MACF1: variants seen among roughly 807,000 people sequenced by gnomAD.
MACF1 encodes microtubule-actin cross-linking factor 1.
In MACF1, 193 loss-of-function variants were observed where a neutral mutation model predicts 854.8. That is an observed-to-expected ratio of 0.23 (90% CI 0.20 to 0.25). The LOEUF is 0.25. MACF1 is among the 10% of genes least tolerant of loss of function. The probability of loss-of-function intolerance (pLI) is 1.00; values close to 1 mark genes in which losing one functional copy is unlikely to be tolerated. For missense variants in MACF1, 7,722 were observed against 8,929.1 expected (o/e 0.86, Z 5.45); for synonymous variants, 3,185 against 3,226.7 (o/e 0.99, Z 0.44).
intron 43 of MACF1, among the ~76,000 whole-genome samples, 185 bp from the exon 44 acceptor site, chr1:39,352,822 A>AT (rs1203666584): frequency 1.3e-5 from 2 of 151,008 alleles, no homozygotes. Flanking sequence ...ATGTAGAGAT[A>AT]TTTTTAATAA....
chr1:39,483,158 A>G (rs990030959), intron 99 of MACF1, among the ~76,000 whole-genome samples: 2 of 151,520 alleles, frequency 1.3e-5, no homozygotes, highest in African/African-American at 4.9e-5. Flanking sequence ...TAAGCCTACT[A>G]TCTAAAAAAC....
chr1:39,472,375 T>A (rs1298636596), intron 97 of MACF1, among the ~76,000 whole-genome samples: 1 of 152,226 alleles, frequency 6.6e-6, no homozygotes, highest in Non-Finnish European at 1.5e-5. Flanking sequence ...GTGGGATTGC[T>A]CCAGAAATCA....
At chr1:39,207,182 G>A (rs1222591542) in intron 1 of MACF1, among the ~76,000 whole-genome samples, 2 of 151,716 alleles carry the variant, frequency 1.3e-5, no homozygotes, top group Non-Finnish European at 2.9e-5. Context: ...TTTAGTATGT[G>A]TACCAGAAGT....
At chr1:39,194,331 CT>C (rs1644290715) in intron 2 of MACF1, among the ~76,000 whole-genome samples, 2 of 63,212 alleles carry the variant, frequency 3.2e-5, no homozygotes, top group African/African-American at 7.4e-5. Flanking sequence ...CTTTTCTTTT[CT>C]TTTCTTTTCT....
At chr1:39,235,129 C>T (rs528494440) in intron 2 of MACF1, among the ~76,000 whole-genome samples, 38 of 151,826 alleles carry the variant, frequency 2.5e-4, no homozygotes, top group South Asian at 1.5e-3. Flanking sequence ...GCTGCAATCT[C>T]GGCACTTTGG....
At chr1:39,417,831 G>A (rs1396670683) in intron 58 of MACF1, among the ~76,000 whole-genome samples, 1 of 144,238 alleles carries the variant, frequency 6.9e-6, no homozygotes, top group Non-Finnish European at 1.5e-5. Flanking sequence ...GCCTGCCTCG[G>A]CGTCCCAAAG....
At chr1:39,094,952 C>G (rs759453580) in intron 2 of MACF1, among the ~76,000 whole-genome samples, 16 of 152,036 alleles carry the variant, frequency 1.1e-4, no homozygotes, top group Non-Finnish European at 1.6e-4. Context: ...ATGCAGAGGG[C>G]AAGGGCGAGG....
At chr1:39,303,148 A>C (rs1247850725) in intron 23 of MACF1, 70 bp downstream of exon 23, 3 of 1,538,528 alleles carry the variant, frequency 1.9e-6, no homozygotes, top group Non-Finnish European at 2.7e-6. Flanking sequence ...TGGAGGGATG[A>C]GTGTGCATTT....
chr1:39,352,130 A>G (rs1647202431), intron 43 of MACF1, among the ~76,000 whole-genome samples: 1 of 152,220 alleles, frequency 6.6e-6, no homozygotes, highest in South Asian at 2.1e-4. Context: ...TAATGAGGAA[A>G]GTGGAGAACA....
At position 39,448,624 on chromosome 1, in the gene MACF1, C is replaced by T; in HGVS notation, c.20119C>T (p.Pro6707Ser). The change falls in exon 84 of 101, where the codon CCT (proline) becomes TCT (serine). Residue 6707 changes from proline to serine, a missense_variant. Physicochemically the swap from Pro to Ser is moderately conservative, Grantham distance 74. Around this residue, in one of 15 missense-constraint regions of MACF1, gnomAD observed 729 missense variants for 900.5 expected, o/e 0.81. Transcript: ENST00000564288. ...EFQKTLGGKQ[P>S]VYDTTIRTGR... ...TCAGAAGACTCTTGGTGGCAAGCAG[C>T]CTGTGTATGATACCACAATTAGAAC... is the stretch of plus-strand genomic sequence containing the variant. The T allele has an allele frequency of 6.3e-7, 1 of 1,593,212 alleles. No homozygotes were observed. The highest frequency in any genetic ancestry group is 8.6e-7 in the Non-Finnish European group (1 of 1,168,568).
At chr1:39,363,554 T>G (rs545656447) in intron 49 of MACF1, among the ~76,000 whole-genome samples, 1 of 151,984 alleles carries the variant, frequency 6.6e-6, no homozygotes, top group Non-Finnish European at 1.5e-5. Context: ...ATACTTTCAT[T>G]GTGTAGAAGA....
intron 1 of MACF1, among the ~76,000 whole-genome samples, chr1:39,224,461 G>T (rs888975124): frequency 6.6e-6 from 1 of 152,328 alleles, no homozygotes; most frequent in East Asian, 1.9e-4. Context: ...ATGATCACCA[G>T]TGTCTTCTGC....
chr1:39,316,507 A>T lies in MACF1; in HGVS notation c.3566A>T (p.Glu1189Val). 6.2e-7 allele frequency: 1 copy of T among 1,613,724 alleles called. No individual in the cohort carries two copies. The highest frequency in any genetic ancestry group is 8.5e-7 in the Non-Finnish European group (1 of 1,179,756). Residue 1189 changes from glutamate to valine, a missense_variant, in exon 28 of 101, where the codon GAG becomes GTG. This residue lies in a region of MACF1 where 1,137 missense variants were observed against 1,263.0 expected (regional missense o/e 0.90). Transcript: ENST00000564288. The stretch of plus-strand genomic sequence containing the variant: ...GTACTGGCAGATCTCTCAGCTCTGG[A>T]GGCCCATTGGTCGACATTACGGGTG... ...EVVLADLSALEAHWSTLRHWL... is the reference protein window; with the variant it reads ...EVVLADLSALVAHWSTLRHWL...
chr1:39,360,040 T>G (rs1648012560), intron 47 of MACF1, among the ~76,000 whole-genome samples: 2 of 58,960 alleles, frequency 3.4e-5, no homozygotes, highest in African/African-American at 1.4e-4. Flanking sequence ...TATATATATA[T>G]ATATATATAT....
At chr1:39,255,421 A>T (rs1457001233) in intron 5 of MACF1, among the ~76,000 whole-genome samples, 1 of 152,248 alleles carries the variant, frequency 6.6e-6, no homozygotes, top group East Asian at 1.9e-4. Context: ...AGAGTGAGCC[A>T]TATGGAAAAT....
chr1:39,445,654 A>C (rs1644212766), intron 80 of MACF1, among the ~76,000 whole-genome samples: 1 of 152,234 alleles, frequency 6.6e-6, no homozygotes, highest in South Asian at 2.1e-4. Flanking sequence ...TAAAGGACCT[A>C]AGTGTATGCT....
At chr1:39,298,538 G>A (rs965163451) in intron 21 of MACF1, 14 of 333,884 alleles carry the variant, frequency 4.2e-5, no homozygotes, top group South Asian at 2.3e-4. Context: ...GGGGAATCTC[G>A]CATTTCAATA....
At chr1:39,325,247 T>C (rs999906244) in intron 35 of MACF1, among the ~76,000 whole-genome samples, 13 of 152,340 alleles carry the variant, frequency 8.5e-5, no homozygotes, top group Non-Finnish European at 1.5e-4. Flanking sequence ...AGGAAAATTA[T>C]GAGTGATAAC....
At chr1:39,437,471 C>T (rs975547973) in intron 70 of MACF1, among the ~76,000 whole-genome samples, 1 of 151,934 alleles carries the variant, frequency 6.6e-6, no homozygotes, top group South Asian at 2.1e-4. Context: ...CCACCACACC[C>T]GGCTAATTTT....
Sources: gnomAD v4.1 joint callset for allele counts (sites outside exome capture counted in the v4.1 genomes callset) on GRCh38, gnomAD v4.1.1 for gene constraint, gnomAD v4.1.1 regional missense constraint, MANE v1.5 for transcripts, NCBI Gene and HGNC (gene_info 2026-07-23, HGNC 2026-07-21) for gene names.